Variants in CLEC12A observed in about 807,000 individuals in gnomAD.
The protein encoded by CLEC12A is C-type lectin domain family 12 member A.
A neutral mutation model predicts 26.5 loss-of-function variants in CLEC12A; 22 were observed. The observed-to-expected ratio is 0.83, with a 90% CI of 0.59 to 1.19. The LOEUF is 1.19. Among genes scored for constraint, CLEC12A ranks in the 50% most tolerant of loss-of-function variants. The pLI, the probability that CLEC12A is intolerant of heterozygous loss-of-function variation, is 0.00. For missense variants in CLEC12A, 353 were observed against 315.6 expected, an observed-to-expected ratio of 1.12 and a Z score of -0.90; for synonymous variants, 119 against 101.9, an observed-to-expected ratio of 1.17 and a Z score of -1.01.
At chr12:10,002,644 G>T in the CLEC12A span, among the ~76,000 whole-genome samples, 1 of 151,760 alleles carries the variant, frequency 6.6e-6, no homozygotes, top group Non-Finnish European at 1.5e-5. Context: ...GGGTTTCACC[G>T]TGTTAGCCAG....
intron 1 of CLEC12A, among the ~76,000 whole-genome samples, chr12:9,959,109 G>A (rs932620093): frequency 4.6e-5 from 7 of 152,126 alleles, no homozygotes; most frequent in Non-Finnish European, 8.8e-5. Flanking sequence ...TTACTGGGCT[G>A]GAAGAAATAG....
At chr12:9,994,921 C>A in intron 4 of CLEC12A, 1 of 1,218,856 alleles carries the variant, frequency 8.2e-7, no homozygotes, top group Non-Finnish European at 1.1e-6. Context: ...GGAATAATAT[C>A]AGAGATAAAG....
At chr12:9,981,967 A>G in intron 4 of CLEC12A, 53 bp from the exon 5 acceptor site, 2 of 896,790 alleles carry the variant, frequency 2.2e-6, no homozygotes, top group Non-Finnish European at 3.5e-6. Flanking sequence ...TTATAATGTA[A>G]AATACAAAAG....
chr12:9,976,410 T>A (rs1235076422), intron 1 of CLEC12A, among the ~76,000 whole-genome samples: 2 of 152,160 alleles, frequency 1.3e-5, no homozygotes, highest in Admixed American at 6.5e-5. Flanking sequence ...CCAAAGGAGA[T>A]GATTTTGGAG....
intron 3 of CLEC12A, 115 bp from the exon 4 acceptor site, chr12:9,980,467 A>G (rs768418528): frequency 1.2e-5 from 14 of 1,131,476 alleles, no homozygotes; most frequent in Non-Finnish European, 1.7e-5. Context: ...GAGAGAAAGA[A>G]AAAGAAAGAA....
intron 1 of CLEC12A, among the ~76,000 whole-genome samples, chr12:9,975,944 C>A (rs1864317892): frequency 6.6e-6 from 1 of 152,204 alleles, no homozygotes; most frequent in African/African-American, 2.4e-5. Flanking sequence ...GGAGAGGGTG[C>A]AAACCCCAAG....
intron 1 of CLEC12A, among the ~76,000 whole-genome samples, chr12:9,954,287 G>A (rs931081577): frequency 3.3e-5 from 5 of 150,470 alleles, no homozygotes; most frequent in Non-Finnish European, 7.4e-5. Flanking sequence ...TTGAGCCCAG[G>A]AGTTCGAGAC....
At chr12:9,968,086 A>G (rs545356731), upstream of CLEC12A, among the ~76,000 whole-genome samples, 31 of 152,302 alleles carry the variant, frequency 2.0e-4, no homozygotes, top group Admixed American at 6.5e-5. Flanking sequence ...GGATAGTGAG[A>G]GAGGTTGGAG....
At chr12:9,978,901 G>C in intron 1 of CLEC12A, 65 bp from the exon 2 acceptor site, 1 of 1,099,132 alleles carries the variant, frequency 9.1e-7, no homozygotes, top group Non-Finnish European at 1.4e-6. Context: ...ATGAATGAAT[G>C]AGTAAATAAT....
intron 4 of CLEC12A, chr12:9,991,224 G>T (rs1379016994): frequency 6.6e-6 from 1 of 152,148 alleles, no homozygotes; most frequent in African/African-American, 2.4e-5. Flanking sequence ...ACATGTAGAA[G>T]ATTTAGTATT....
intron 1 of CLEC12A, among the ~76,000 whole-genome samples, chr12:9,962,184 C>T (rs1465383360): frequency 6.6e-6 from 1 of 151,604 alleles, no homozygotes; most frequent in African/African-American, 2.4e-5. Context: ...TTGGTCTTAT[C>T]TCTATCTTGT....
chr12:9,991,960 T>G (rs1368960875), intron 4 of CLEC12A: 1 of 152,130 alleles, frequency 6.6e-6, no homozygotes, highest in African/African-American at 2.4e-5. Flanking sequence ...TCTCTGTGTC[T>G]CCTCAGTCTT....
chr12:9,955,791 GT>G (rs1863733640), intron 1 of CLEC12A, among the ~76,000 whole-genome samples: 1 of 152,186 alleles, frequency 6.6e-6, no homozygotes. Context: ...CTCCTGCAGT[GT>G]GATTGCTTCT....
intron 1 of CLEC12A, among the ~76,000 whole-genome samples, chr12:9,978,455 T>G (rs1413031949): frequency 6.7e-6 from 1 of 148,870 alleles, no homozygotes; most frequent in Non-Finnish European, 1.5e-5. Flanking sequence ...CCCAAAGACA[T>G]TATGAAAAGA....
At chr12:9,984,734 G>A (rs1355340832) in intron 5 of CLEC12A, 136 bp from the exon 6 acceptor site, 17 of 765,214 alleles carry the variant, frequency 2.2e-5, no homozygotes, top group Non-Finnish European at 1.8e-5. Flanking sequence ...TTGATACTCT[G>A]AACATTAAAT....
At chr12:10,001,881 C>CTTTT in the CLEC12A span, among the ~76,000 whole-genome samples, 5 of 134,214 alleles carry the variant, frequency 3.7e-5, no homozygotes, top group Non-Finnish European at 4.7e-5. Flanking sequence ...TAAACAAAAT[C>CTTTT]TTTTTTTTTT....
the CLEC12A span, among the ~76,000 whole-genome samples, chr12:10,005,481 C>T: frequency 6.6e-6 from 1 of 152,190 alleles, no homozygotes; most frequent in Admixed American, 6.5e-5. Context: ...ACGATGACAG[C>T]TGCCATTTAT....
chr12:10,004,119 G>T, the CLEC12A span, among the ~76,000 whole-genome samples: 1 of 152,182 alleles, frequency 6.6e-6, no homozygotes, highest in Non-Finnish European at 1.5e-5. Context: ...GCAGGTGCAG[G>T]AGTTGGGGTG....
At chr12:9,994,973 G>A (rs1219927018) in intron 4 of CLEC12A, 11 of 1,505,854 alleles carry the variant, frequency 7.3e-6, no homozygotes, top group Non-Finnish European at 8.9e-6. Flanking sequence ...ATGGGAGAGA[G>A]GGGAAAGAAT....
Sources: allele counts gnomAD v4.1 joint callset (sites outside exome capture counted in the v4.1 genomes callset), GRCh38; gene constraint gnomAD v4.1.1; transcripts MANE v1.5; gene names NCBI Gene and HGNC (gene_info 2026-07-23, HGNC 2026-07-21).